Variants in EEPD1 observed in about 807,000 individuals in gnomAD.
EEPD1 encodes the protein endonuclease/exonuclease/phosphatase family domain containing 1, also known as endonuclease/exonuclease/phosphatase family domain-containing protein 1.
In EEPD1, 17 loss-of-function variants were observed where a neutral mutation model predicts 46.3. The observed-to-expected ratio is 0.37, with a 90% CI of 0.25 to 0.55. The LOEUF (loss-of-function observed/expected upper bound fraction) is 0.55, where lower values mean the gene tolerates loss of function less well. Among genes scored for constraint, EEPD1 ranks in the 20% least tolerant of loss-of-function variants. The pLI, the probability that EEPD1 is intolerant of heterozygous loss-of-function variation, is 0.83. For synonymous variants in EEPD1, 313 were observed against 315.6 expected (o/e 0.99, Z 0.09); for missense variants, 673 against 745.6 (o/e 0.90, Z 1.13).
intron 2 of EEPD1, among the ~76,000 whole-genome samples, chr7:36,232,482 A>G (rs1171980378): frequency 1.3e-5 from 2 of 151,792 alleles, no homozygotes; most frequent in African/African-American, 2.4e-5. Flanking sequence ...GGGATTACAG[A>G]CGTGATACTG....
chr7:36,283,414 T>C (rs1787291450), intron 4 of EEPD1, among the ~76,000 whole-genome samples: 1 of 152,104 alleles, frequency 6.6e-6, no homozygotes, highest in Non-Finnish European at 1.5e-5. Flanking sequence ...TGAAGGCTTT[T>C]GGGCGGAAGA....
chr7:36,192,526 A>AT (rs1785479525), intron 2 of EEPD1, among the ~76,000 whole-genome samples: 1 of 151,580 alleles, frequency 6.6e-6, no homozygotes, highest in Non-Finnish European at 1.5e-5. Flanking sequence ...AAAAAAAAAA[A>AT]TTAACAATTA....
At chr7:36,173,901 A>G (rs1354113048) in intron 2 of EEPD1, among the ~76,000 whole-genome samples, 1 of 152,176 alleles carries the variant, frequency 6.6e-6, no homozygotes, top group East Asian at 1.9e-4. Context: ...GCAGAGATTC[A>G]CTTTCCAGCA....
chr7:36,245,858 C>T lies in EEPD1; in HGVS notation c.930+6822C>T, dbSNP rs571355455. Among the ~76,000 whole-genome samples, 8 of 152,292 alleles carry T rather than the reference C, an allele frequency of 5.3e-5. No individual in the cohort carries two copies. The South Asian group carries it at 1.7e-3, about 32-fold the overall frequency. On this transcript the variant is annotated intron_variant, in intron 3 of 7. Coordinates refer to ENST00000242108, the MANE Select transcript of EEPD1 (RefSeq NM_030636.3). ...TGCTGTAAGAAGGATACATGTCATG[C>T]AGTTCTCTGTTGTTTTTGCTCTGAG... is the stretch of plus-strand genomic sequence containing the variant.
Position 36,299,027 on chromosome 7 carries a change from G to C in EEPD1, c.1531G>C (p.Glu511Gln). ...TTCAGGTCACTGGGCTGTGGTGAGA[G>C]AAGGCCTCACGAACCCTTGGATTCC... The part of the protein sequence containing the change: ...VFTGHWAVVR[E>Q]GLTNPWIPDN... Residue 511 changes from glutamate (E) to glutamine (Q), a missense_variant, in exon 8 of 8, where the codon GAA becomes CAA. Transcript: ENST00000242108. The C allele has an allele frequency of 6.2e-7, 1 of 1,614,170 alleles. No homozygotes were observed. The highest frequency in any genetic ancestry group is 8.5e-7 in the Non-Finnish European group (1 of 1,180,028).
intron 2 of EEPD1, chr7:36,229,031 C>T (rs1028265482): frequency 6.6e-6 from 1 of 152,314 alleles, no homozygotes; most frequent in Non-Finnish European, 1.5e-5. Flanking sequence ...GAGCCCCTTT[C>T]CCCAGGTTTA....
intron 3 of EEPD1, among the ~76,000 whole-genome samples, chr7:36,261,624 CA>C (rs987749686): frequency 5.3e-5 from 8 of 152,328 alleles, no homozygotes; most frequent in African/African-American, 1.9e-4. Flanking sequence ...TGAGACTTTT[CA>C]TTAATGATTC....
intron 3 of EEPD1, among the ~76,000 whole-genome samples, chr7:36,266,937 G>T (rs1158961537): frequency 6.6e-6 from 1 of 152,092 alleles, no homozygotes; most frequent in African/African-American, 2.4e-5. Context: ...ATACTTTCTT[G>T]CATGAATATA....
rs375577736 is a variant in EEPD1 at position 36,164,465 on chromosome 7, G to T, written c.878+9263G>T. Among the ~76,000 whole-genome samples, 172 of 152,344 alleles carry T rather than the reference G, an allele frequency of 1.1e-3. 6 individuals are homozygous for T. In the South Asian group the frequency reaches 0.032, roughly 28 times the overall value. ...CATCCATCAACTTGTTTTACAAAGG[G>T]AATGGGGACACTTTGGTAGGTCCCT... On this transcript the variant is annotated intron_variant, in intron 2 of 7. Transcript: ENST00000242108.
At chr7:36,209,767 A>G (rs1425929538) in intron 2 of EEPD1, among the ~76,000 whole-genome samples, 3 of 152,172 alleles carry the variant, frequency 2.0e-5, no homozygotes, top group Non-Finnish European at 4.4e-5. Flanking sequence ...CAAGCCATTC[A>G]TGAGAGATCC....
At chr7:36,259,682 T>C (rs1786888315) in intron 3 of EEPD1, among the ~76,000 whole-genome samples, 2 of 112,822 alleles carry the variant, frequency 1.8e-5, no homozygotes, top group African/African-American at 2.9e-5. Context: ...GCTATTATAA[T>C]TTTTTGTACT....
At chr7:36,202,672 G>T (rs542692052) in intron 2 of EEPD1, among the ~76,000 whole-genome samples, 105 of 152,226 alleles carry the variant, frequency 6.9e-4, no homozygotes, top group African/African-American at 2.4e-3. Flanking sequence ...TGAATGACTC[G>T]GTGTCCGTGA....
chr7:36,256,036 A>C (rs1786823884), intron 3 of EEPD1, among the ~76,000 whole-genome samples: 1 of 152,136 alleles, frequency 6.6e-6, no homozygotes, highest in East Asian at 1.9e-4. Flanking sequence ...CTGTGTTCTC[A>C]TTGGCTTCAA....
At chr7:36,162,085 A>G (rs1349232414) in intron 2 of EEPD1, among the ~76,000 whole-genome samples, 1 of 152,160 alleles carries the variant, frequency 6.6e-6, no homozygotes, top group African/African-American at 2.4e-5. Flanking sequence ...GACTTCTCAT[A>G]TCATAACATC....
intron 2 of EEPD1, among the ~76,000 whole-genome samples, chr7:36,176,554 G>A (rs559303693): frequency 1.1e-3 from 175 of 152,226 alleles, no homozygotes; most frequent in Non-Finnish European, 1.9e-3. Flanking sequence ...TCTCAGGGTT[G>A]GTGATACTCA....
intron 2 of EEPD1, among the ~76,000 whole-genome samples, chr7:36,172,627 T>G (rs917953361): frequency 1.1e-4 from 17 of 150,716 alleles, no homozygotes; most frequent in African/African-American, 3.2e-4. Context: ...GTTTTTTTTT[T>G]TTTTTTTTTT....
At chr7:36,163,016 G>GT (rs1428686269) in intron 2 of EEPD1, among the ~76,000 whole-genome samples, 4 of 151,828 alleles carry the variant, frequency 2.6e-5, no homozygotes, top group Non-Finnish European at 5.9e-5. Context: ...GTGGGTTGTT[G>GT]TTTTTTAAAA....
chr7:36,185,663 T>C (rs1429402549), intron 2 of EEPD1, among the ~76,000 whole-genome samples: 1 of 152,124 alleles, frequency 6.6e-6, no homozygotes, highest in African/African-American at 2.4e-5. Flanking sequence ...TCTAGGAAGA[T>C]GCTGCCCTTT....
At position 36,188,535 on chromosome 7, in the gene EEPD1, C is replaced by G. The variant is rs58881846; in HGVS notation, c.878+33333C>G. Among the ~76,000 whole-genome samples the G allele has an allele frequency of 3.2e-3, 482 of 152,282 alleles. 3 individuals carry two copies. Among genetic ancestry groups the G allele is most frequent in the African/African-American group, 0.011 (466 of 41,558 alleles). On this transcript the variant is annotated intron_variant, in intron 2 of 7. Coordinates refer to ENST00000242108, the MANE Select transcript of EEPD1 (RefSeq NM_030636.3). ...CGGCGCTGTGACCAACGGAGATACACAGGCTGGGTGGGTCCTGCAGGGATT... is the reference window on the plus strand; with the variant it reads ...CGGCGCTGTGACCAACGGAGATACAGAGGCTGGGTGGGTCCTGCAGGGATT...
Sources: allele counts gnomAD v4.1 joint callset (sites outside exome capture counted in the v4.1 genomes callset), GRCh38; gene constraint gnomAD v4.1.1; transcripts MANE v1.5; gene names NCBI Gene and HGNC (gene_info 2026-07-23, HGNC 2026-07-21).